The following ASAP1 variants were observed in gnomAD, a reference collection of about 807,000 sequenced individuals.
ASAP1 encodes the protein ArfGAP with SH3 domain, ankyrin repeat and PH domain 1.
ASAP1 carries 43 observed loss-of-function variants against 145.2 expected under a neutral mutation model. The ratio of observed to expected loss-of-function variants is 0.30; its 90% CI spans 0.23 to 0.38. The LOEUF (loss-of-function observed/expected upper bound fraction) is 0.38, where lower values mean the gene tolerates loss of function less well. ASAP1 is among the 10% of genes least tolerant of loss of function. ASAP1 has a pLI of 1.00. For missense variants in ASAP1, 1,018 were observed against 1,355.3 expected, an observed-to-expected ratio of 0.75 and a Z score of 3.91; for synonymous variants, 546 against 515.5, an observed-to-expected ratio of 1.06 and a Z score of -0.80.
chr8:130,264,463 G>T (rs1176338998), intron 3 of ASAP1, among the ~76,000 whole-genome samples: 1 of 152,148 alleles, frequency 6.6e-6, no homozygotes, highest in Non-Finnish European at 1.5e-5. Context: ...CCTTTCCTCT[G>T]CCTGCTTAGA....
intron 3 of ASAP1, among the ~76,000 whole-genome samples, chr8:130,239,280 A>G (rs1231911744): frequency 6.6e-6 from 1 of 152,140 alleles, no homozygotes; most frequent in East Asian, 1.9e-4. Context: ...GATAACTAAT[A>G]TTTAACATAT....
chr8:130,304,577 C>G (rs1214398087), intron 3 of ASAP1, among the ~76,000 whole-genome samples: 1 of 152,250 alleles, frequency 6.6e-6, no homozygotes, highest in East Asian at 1.9e-4. Flanking sequence ...GTCTTCTATG[C>G]ATCTGCCCAC....
chr8:130,227,694 T>C (rs1251046986), intron 4 of ASAP1, among the ~76,000 whole-genome samples: 1 of 150,616 alleles, frequency 6.6e-6, no homozygotes, highest in Non-Finnish European at 1.5e-5. Context: ...GTATATAGTA[T>C]AGATAACATA....
At chr8:130,341,071 A>C (rs1308807516) in intron 3 of ASAP1, 13 of 365,478 alleles carry the variant, frequency 3.6e-5, no homozygotes, top group Admixed American at 1.1e-4. Context: ...CGTGGCTGTG[A>C]GGGTGCTTAC....
chr8:130,063,332 C>T (rs1025609891), intron 27 of ASAP1, among the ~76,000 whole-genome samples: 4 of 152,144 alleles, frequency 2.6e-5, no homozygotes, highest in African/African-American at 7.2e-5. Flanking sequence ...TATGTACCAC[C>T]GCACTCAGCT....
intron 11 of ASAP1, among the ~76,000 whole-genome samples, chr8:130,164,023 C>A (rs1443627576): frequency 6.6e-6 from 1 of 152,186 alleles, no homozygotes; most frequent in African/African-American, 2.4e-5. Flanking sequence ...TAAACCTCTA[C>A]TACAGAAGCC....
intron 1 of ASAP1, among the ~76,000 whole-genome samples, chr8:130,443,212 A>ACC (rs1233863463): frequency 1.4e-5 from 2 of 139,354 alleles, no homozygotes; most frequent in African/African-American, 5.9e-5. Context: ...AGGCGAGGAG[A>ACC]CCTCCCCCCC....
chr8:130,198,693 T>C (rs1292856896), intron 5 of ASAP1, among the ~76,000 whole-genome samples: 2 of 152,214 alleles, frequency 1.3e-5, no homozygotes, highest in African/African-American at 4.8e-5. Flanking sequence ...TTAGAGAGGT[T>C]AAGTAACTCG....
intron 5 of ASAP1, 87 bp downstream of exon 5, chr8:130,214,469 G>A: frequency 4.6e-6 from 6 of 1,308,068 alleles, no homozygotes; most frequent in Non-Finnish European, 6.1e-6. Flanking sequence ...CAAGGATTGA[G>A]GGGGAAGGAT....
intron 9 of ASAP1, 120 bp downstream of exon 9, chr8:130,179,144 T>C (rs1814173751): frequency 5.3e-6 from 3 of 562,474 alleles, no homozygotes; most frequent in Non-Finnish European, 9.3e-6. Flanking sequence ...CTGAAAAAGG[T>C]CATTATATCA....
chr8:130,426,070 AG>A (rs1393999787), intron 1 of ASAP1, among the ~76,000 whole-genome samples: 2 of 152,158 alleles, frequency 1.3e-5, no homozygotes, highest in African/African-American at 4.8e-5. Context: ...CCAGTGTCGG[AG>A]GAGGGGCCTT....
At chr8:130,334,373 G>C (rs1000195610) in intron 3 of ASAP1, among the ~76,000 whole-genome samples, 1 of 152,190 alleles carries the variant, frequency 6.6e-6, no homozygotes, top group Non-Finnish European at 1.5e-5. Context: ...TTCTATTAAA[G>C]TCTTCTACAA....
intron 3 of ASAP1, among the ~76,000 whole-genome samples, chr8:130,295,712 G>C (rs1037383092): frequency 3.9e-5 from 6 of 152,120 alleles, no homozygotes; most frequent in African/African-American, 1.4e-4. Context: ...TTAATGCTGG[G>C]CTCTAACTTG....
chr8:130,418,514 C>T (rs941757053), intron 1 of ASAP1, among the ~76,000 whole-genome samples: 2 of 151,816 alleles, frequency 1.3e-5, no homozygotes, highest in African/African-American at 2.4e-5. Flanking sequence ...CGCCACTGCA[C>T]TCCAGCCTGG....
At chr8:130,111,052 A>G (rs1014025644) in intron 24 of ASAP1, among the ~76,000 whole-genome samples, 1 of 151,686 alleles carries the variant, frequency 6.6e-6, no homozygotes, top group African/African-American at 2.4e-5. Context: ...ACATTTGACA[A>G]CTCACAGCAC....
intron 11 of ASAP1, among the ~76,000 whole-genome samples, chr8:130,164,871 T>G (rs770498332): frequency 3.3e-5 from 5 of 152,236 alleles, no homozygotes; most frequent in Non-Finnish European, 7.3e-5. Flanking sequence ...AGTTAATCTT[T>G]AAGATTACTT....
intron 28 of ASAP1, among the ~76,000 whole-genome samples, chr8:130,059,802 G>A (rs1246648856): frequency 7.9e-5 from 12 of 152,132 alleles, no homozygotes; most frequent in Non-Finnish European, 2.9e-5. Context: ...AGGGAGCCAG[G>A]TGCAGTGGCT....
intron 25 of ASAP1, among the ~76,000 whole-genome samples, chr8:130,089,749 T>C (rs938217680): frequency 6.6e-6 from 1 of 152,172 alleles, no homozygotes; most frequent in Admixed American, 6.5e-5. Flanking sequence ...CACCCACACA[T>C]ACATGCCCAT....
At chr8:130,335,952 T>C (rs1003073163) in intron 3 of ASAP1, among the ~76,000 whole-genome samples, 1 of 152,124 alleles carries the variant, frequency 6.6e-6, no homozygotes, top group African/African-American at 2.4e-5. Flanking sequence ...AGCAACTTAA[T>C]GGTTATGAAG....
Sources: allele counts gnomAD v4.1 joint callset (sites outside exome capture counted in the v4.1 genomes callset), GRCh38; gene constraint gnomAD v4.1.1; transcripts MANE v1.5; gene names NCBI Gene and HGNC (gene_info 2026-07-23, HGNC 2026-07-21).